Variants in SRPK3 observed in about 807,000 individuals in gnomAD.
SRPK3 encodes SFRS protein kinase 3.
In SRPK3, 26 loss-of-function variants were observed where a neutral mutation model predicts 45.3. The ratio of observed to expected loss-of-function variants is 0.57; its 90% CI spans 0.42 to 0.80. The LOEUF (loss-of-function observed/expected upper bound fraction) is 0.80. Ranked by LOEUF, SRPK3 falls within the 30% of genes least tolerant of loss-of-function variation. The pLI is 0.00. For synonymous variants in SRPK3, 254 were observed against 226.6 expected, an observed-to-expected ratio of 1.12 and a Z score of -1.09; for missense variants, 536 against 514.5, an observed-to-expected ratio of 1.04 and a Z score of -0.40.
chrX:153,783,174 G>C (rs1321536437), intron 7 of SRPK3, 52 bp from the exon 8 acceptor site: 7 of 1,138,894 alleles, frequency 6.1e-6, no homozygotes, highest in Non-Finnish European at 8.3e-6. Flanking sequence ...ACCCCTGCCT[G>C]AGTCTCTGTT....
At chrX:153,781,857 A>C (rs1557067021) in intron 4 of SRPK3, 27 bp downstream of exon 4, 5 of 1,203,085 alleles carry the variant, frequency 4.2e-6, no homozygotes, top group Non-Finnish European at 5.6e-6. Context: ...CCCCACTCCC[A>C]GCTCCCCTGG....
At position 153,783,240 on chromosome X, in the gene SRPK3, C is replaced by T; in HGVS notation, c.763C>T (p.Gln255Ter). 1.7e-6 allele frequency: 2 copies of T among 1,192,588 alleles called. No individual in the cohort carries two copies. Among genetic ancestry groups the T allele is most frequent in the Non-Finnish European group, 2.3e-6 (2 of 884,625 alleles). Residue 255 changes from glutamine (Q) to a stop codon, truncating the protein, a stop_gained, in exon 8 of 15, where the codon CAG (glutamine) becomes TAG (stop). Transcript: ENST00000370101. LOFTEE classifies it high-confidence loss of function. ...PSRSIVSTAP[Q>*]EVLQTGKLSK... ...TGCACTCCCAGTCAGCACTGCCCCCCAGGAGGTCTTGGTAAGTTGGGGGGC... is the reference window on the plus strand; with the variant it reads ...TGCACTCCCAGTCAGCACTGCCCCCTAGGAGGTCTTGGTAAGTTGGGGGGC...
Position 153,781,108 on chromosome X carries a change from G to C in SRPK3, c.22G>C (p.Gly8Arg), listed in dbSNP as rs1275438000. The C allele has an allele frequency of 3.5e-6, 4 of 1,137,963 alleles. No individual in the cohort carries two copies. Among genetic ancestry groups the C allele is most frequent in the Non-Finnish European group, 4.6e-6 (4 of 860,823 alleles). The allele number at this position is 1,137,963 out of a possible 1,213,427, so 93.8% of individuals were successfully genotyped here. A position where few individuals can be genotyped will look rare whatever the true frequency, so the allele number is the denominator to read the frequency against. Residue 8 changes from glycine to arginine, a missense_variant, in exon 1 of 15, where the codon GGT becomes CGT. Physicochemically the swap from Gly to Arg is moderately radical, Grantham distance 125 (BLOSUM62 -2). Transcript: ENST00000370101. ...CGGGATGAGCGCCAGCACGGGCGGT[G>C]GTGGGGACAGCGGCGGCAGCGGCGG... MSASTGG[G>R]GDSGGSGGSS...
At position 153,783,258 on chromosome X, in the gene SRPK3, TG is replaced by T. The variant is rs781836442; in HGVS notation, c.774+13del. On this transcript the variant is annotated splice_region_variant and intron_variant, in intron 8 of 14. Coordinates refer to ENST00000370101, the MANE Select transcript of SRPK3 (RefSeq NM_014370.4). ...TGCCCCCCAGGAGGTCTTGGTAAGT[TG>T]GGGGGCCCCTCTCTCCCATGCCTCC... 11 of 1,184,986 alleles carry T rather than the reference TG, an allele frequency of 9.3e-6. No homozygotes were observed. Among genetic ancestry groups the T allele is most frequent in the Non-Finnish European group, 1.2e-5 (11 of 881,079 alleles).
rs782702227 is a variant in SRPK3, at chrX:153,785,550, C to G, written c.*30C>G. On this transcript the variant is annotated 3_prime_UTR_variant, in exon 15 of 15. Transcript: ENST00000370101. ...GGCTGTGGCTCCACCTCCAGCTCTC[C>G]GTGCCTTAAGGGAAAAGCGGGACAG... is the stretch of plus-strand genomic sequence containing the variant. 16 of 1,189,792 alleles carry G rather than the reference C, an allele frequency of 1.3e-5. No individual in the cohort carries two copies. Among genetic ancestry groups the G allele is most frequent in the Admixed American group, 2.2e-5 (1 of 45,191 alleles).
chrX:153,784,978 T>C lies in SRPK3; in HGVS notation c.1401T>C (p.Ser467=), dbSNP rs2092077253. ...GTGACTACCTGTTCGAGCCGCATTC[T>C]GGAGAAGACTACAGTCGTGATGAGG... is the stretch of plus-strand genomic sequence containing the variant. The part of the protein sequence containing the change: ...ATGDYLFEPH[S]GEDYSRDEDH... The change falls in exon 13 of 15, where the codon TCT becomes TCC. Residue 467 remains serine (S), a synonymous_variant. Transcript: ENST00000370101. The C allele has an allele frequency of 8.3e-7, 1 of 1,210,344 alleles. No individual in the cohort carries two copies. The highest frequency in any genetic ancestry group is 1.7e-5 in the African/African-American group (1 of 57,617).
At position 153,785,521 on chromosome X, in the gene SRPK3, G is replaced by A. The variant is rs782121988; in HGVS notation, c.*1G>A. ...CCAGCACCCCTGGCTCAACCCCTAGGCCCGGCTGTGGCTCCACCTCCAGCT... is the reference window on the plus strand; with the variant it reads ...CCAGCACCCCTGGCTCAACCCCTAGACCCGGCTGTGGCTCCACCTCCAGCT... On this transcript the variant is annotated 3_prime_UTR_variant, in exon 15 of 15. Coordinates refer to ENST00000370101, the MANE Select transcript of SRPK3 (RefSeq NM_014370.4). 8.3e-7 allele frequency: 1 copy of A among 1,199,026 alleles called. No homozygotes were observed. Among genetic ancestry groups the A allele is most frequent in the African/African-American group, 1.7e-5 (1 of 57,216 alleles).
At chrX:153,782,316 CTCCCA>C (rs2092057054) in intron 5 of SRPK3, 108 bp downstream of exon 5, 1 of 666,854 alleles carries the variant, frequency 1.5e-6, no homozygotes, top group Admixed American at 2.8e-5. Flanking sequence ...GCTTGCATCC[CTCCCA>C]GTAACGGGAG....
At position 153,783,042 on chromosome X, in the gene SRPK3, C is replaced by T. The variant is rs1231713456; in HGVS notation, c.672C>T (p.Asp224=). The T allele has an allele frequency of 4.2e-6, 5 of 1,180,602 alleles. No individual in the cohort carries two copies. Among genetic ancestry groups the T allele is most frequent in the South Asian group, 1.9e-5 (1 of 51,902 alleles). Reference sequence around the variant, plus strand: ...AGAACATCTTGCTGTGTGTGGGGGACGCTTACATCAGGCGCCTGGCTGCCG... The same window carrying T: ...AGAACATCTTGCTGTGTGTGGGGGATGCTTACATCAGGCGCCTGGCTGCCG... ...KPENILLCVG[D]AYIRRLAAEA... Residue 224 remains aspartate, a synonymous_variant, in exon 7 of 15, where the codon GAC becomes GAT. Transcript: ENST00000370101.
At chrX:153,783,342 C>T in intron 8 of SRPK3, 91 bp downstream of exon 8, 1 of 590,132 alleles carries the variant, frequency 1.7e-6, no homozygotes, top group South Asian at 3.1e-5. Flanking sequence ...CCACCCCCCA[C>T]CTTCACGCAC....
At position 153,783,033 on chromosome X, in the gene SRPK3, T is replaced by C. The variant is rs148799822; in HGVS notation, c.663T>C (p.Cys221=). 1.0e-4 allele frequency: 123 copies of C among 1,183,040 alleles called. No homozygotes were observed. In the African/African-American group the frequency reaches 1.9e-3, roughly 18 times the overall value. The part of the protein sequence containing the change: ...TDIKPENILL[C]VGDAYIRRLA... ...TCAAGCCCGAGAACATCTTGCTGTG[T>C]GTGGGGGACGCTTACATCAGGCGCC... Residue 221 remains cysteine, a synonymous_variant, in exon 7 of 15, where the codon TGT becomes TGC. Coordinates refer to ENST00000370101, the MANE Select transcript of SRPK3 (RefSeq NM_014370.4).
At chrX:153,783,684 G>C in intron 8 of SRPK3, 68 bp from the exon 9 acceptor site, 1 of 1,193,774 alleles carries the variant, frequency 8.4e-7, no homozygotes, top group Non-Finnish European at 1.1e-6. Context: ...CGGCTGTGCA[G>C]GGAAACCTCC....
intron 5 of SRPK3, 51 bp downstream of exon 5, chrX:153,782,259 TG>T (rs782123526): frequency 1.1e-5 from 12 of 1,055,219 alleles, no homozygotes; most frequent in South Asian, 1.9e-5. Flanking sequence ...GGCCGGCAAA[TG>T]GGGGGGCCCT....
chrX:153,783,143 G>C (rs782343428), intron 7 of SRPK3, 25 bp downstream of exon 7: 9 of 1,183,164 alleles, frequency 7.6e-6, no homozygotes, highest in Non-Finnish European at 1.0e-5. Context: ...CATGGGGCTG[G>C]GTCGGGGCCT....
In SRPK3 at chrX:153,784,995, G is replaced by C; in HGVS notation, c.1418G>C (p.Arg473Pro). ...CCGCATTCTGGAGAAGACTACAGTCGTGATGAGGGTAAGGGGTGAGGGCTC... is the reference window on the plus strand; with the variant it reads ...CCGCATTCTGGAGAAGACTACAGTCCTGATGAGGGTAAGGGGTGAGGGCTC... ...FEPHSGEDYS[R>P]DEDHIAHIVE... is the part of the protein sequence containing the mutation. The change falls in exon 13 of 15, where the codon CGT becomes CCT. Residue 473 changes from arginine (R) to proline (P), a missense_variant. Coordinates refer to ENST00000370101, the MANE Select transcript of SRPK3 (RefSeq NM_014370.4). The C allele has an allele frequency of 8.3e-7, 1 of 1,211,289 alleles. No homozygotes were observed. The highest frequency in any genetic ancestry group is 1.1e-6 in the Non-Finnish European group (1 of 895,311).
chrX:153,783,472 G>A (rs1016934893), intron 8 of SRPK3, among the ~76,000 whole-genome samples: 1 of 112,976 alleles, frequency 8.9e-6, no homozygotes, highest in Non-Finnish European at 1.9e-5. Flanking sequence ...GGCCACTTCC[G>A]CCTGCCTTAG....
At chrX:153,784,693 C>T (rs41299124) in intron 11 of SRPK3, 57 bp from the exon 12 acceptor site, 50,849 of 1,007,674 alleles carry the variant, frequency 0.05, 898 homozygotes, top group Non-Finnish European at 0.062. Context: ...GGCAGGAGTC[C>T]GTGGGGGCAG....
chrX:153,781,987 A>G, intron 4 of SRPK3, 134 bp from the exon 5 acceptor site: 1 of 871,890 alleles, frequency 1.1e-6, no homozygotes, highest in Non-Finnish European at 1.7e-6. Context: ...CTGGAGGAAC[A>G]GGCGAGGGAC....
Position 153,783,841 on chromosome X carries a change from C to A in SRPK3, c.864C>A (p.Asp288Glu). The A allele has an allele frequency of 8.3e-7, 1 of 1,197,954 alleles. No homozygotes were observed. The highest frequency in any genetic ancestry group is 1.1e-6 in the Non-Finnish European group (1 of 889,065). ...QKRLLEERLR[D>E]LQRLEAMEAA... ...GGCTGCTGGAGGAGCGGCTGCGGGA[C>A]CTGCAGAGGCTGGAGGCCATGGAGG... Residue 288 changes from aspartate to glutamate, a missense_variant, in exon 9 of 15, where the codon GAC becomes GAA. Coordinates refer to ENST00000370101, the MANE Select transcript of SRPK3 (RefSeq NM_014370.4).
Sources: allele counts gnomAD v4.1 joint callset (sites outside exome capture counted in the v4.1 genomes callset), GRCh38; gene constraint gnomAD v4.1.1; transcripts MANE v1.5; gene names NCBI Gene and HGNC (gene_info 2026-07-23, HGNC 2026-07-21).